The following THSD7B variants were observed in gnomAD, a reference collection of about 807,000 sequenced individuals.
The protein encoded by THSD7B is thrombospondin type 1 domain containing 7B.
In THSD7B, 138 loss-of-function variants were observed where a neutral mutation model predicts 213.6. That is an observed-to-expected ratio of 0.65 (90% CI 0.56 to 0.74). THSD7B has a LOEUF of 0.74. Ranked by LOEUF, THSD7B falls within the 30% of genes least tolerant of loss-of-function variation. The pLI is 0.00. For missense variants in THSD7B, 1,931 were observed against 1,991.5 expected (o/e 0.97, Z 0.58); for synonymous variants, 742 against 687.0 (o/e 1.08, Z -1.25).
chr2:137,258,390 C>T (rs1213068814), intron 10 of THSD7B, among the ~76,000 whole-genome samples: 2 of 151,922 alleles, frequency 1.3e-5, no homozygotes, highest in African/African-American at 2.4e-5. Flanking sequence ...GCTCTCATTC[C>T]CTCTCAATGA....
chr2:137,535,760 G>T (rs1680493472), intron 15 of THSD7B, among the ~76,000 whole-genome samples: 1 of 151,620 alleles, frequency 6.6e-6, no homozygotes, highest in Non-Finnish European at 1.5e-5. Context: ...GGTTATGATG[G>T]TTTGGAGGAC....
intron 14 of THSD7B, among the ~76,000 whole-genome samples, chr2:137,419,509 T>A (rs376142473): frequency 2.2e-4 from 34 of 151,522 alleles, no homozygotes; most frequent in African/African-American, 7.5e-4. Flanking sequence ...TGAAGTCAGG[T>A]CATCTCTCCC....
At chr2:137,077,925 C>G (rs2104900851) in intron 3 of THSD7B, among the ~76,000 whole-genome samples, 1 of 152,188 alleles carries the variant, frequency 6.6e-6, no homozygotes, top group South Asian at 2.1e-4. Context: ...AATGGTATTG[C>G]CTAGGTTTTC....
intron 10 of THSD7B, among the ~76,000 whole-genome samples, chr2:137,270,645 G>A (rs1682711114): frequency 6.6e-6 from 1 of 152,188 alleles, no homozygotes; most frequent in Admixed American, 6.5e-5. Flanking sequence ...AATGTAGCAG[G>A]AAGGTGGGTG....
rs967646653 is a variant in THSD7B at position 137,289,956 on chromosome 2, G to A, written c.2500+13930G>A. Among the ~76,000 whole-genome samples, 18 of 152,020 alleles carry A rather than the reference G, an allele frequency of 1.2e-4. 1 individual carries two copies. Among genetic ancestry groups the A allele is most frequent in the South Asian group, 4.2e-4 (2 of 4,732 alleles). On this transcript the variant is annotated intron_variant, in intron 12 of 27. Coordinates refer to ENST00000409968, the MANE Select transcript of THSD7B (RefSeq NM_001316349.2). The stretch of plus-strand genomic sequence containing the variant: ...TTTTTCTTTCTTCTAAACTCCAGGC[G>A]AAACTCAGAACCAAGGTATAAGGGC...
At chr2:137,483,160 C>G (rs2105108427) in intron 15 of THSD7B, among the ~76,000 whole-genome samples, 1 of 152,292 alleles carries the variant, frequency 6.6e-6, no homozygotes, top group African/African-American at 2.4e-5. Flanking sequence ...GGTGGCTCTC[C>G]CACTTGAGGG....
intron 1 of THSD7B, among the ~76,000 whole-genome samples, chr2:136,859,651 C>A (rs1007711155): frequency 1.3e-5 from 2 of 152,140 alleles, no homozygotes; most frequent in Non-Finnish European, 2.9e-5. Flanking sequence ...GCAAGGTATG[C>A]CCCTTCTCTG....
At chr2:137,062,877 G>T (rs1459802015) in intron 3 of THSD7B, among the ~76,000 whole-genome samples, 1 of 151,764 alleles carries the variant, frequency 6.6e-6, no homozygotes, top group Non-Finnish European at 1.5e-5. Context: ...TATTCCTGAT[G>T]GATCTGTCGA....
chr2:137,242,665 T>A, intron 10 of THSD7B, 93 bp downstream of exon 10: 1 of 730,462 alleles, frequency 1.4e-6, no homozygotes. Context: ...GTGAGCACCT[T>A]TTTTTTTTTT....
At chr2:137,439,272 G>T (rs1379998963) in intron 14 of THSD7B, among the ~76,000 whole-genome samples, 1 of 152,006 alleles carries the variant, frequency 6.6e-6, no homozygotes, top group Non-Finnish European at 1.5e-5. Flanking sequence ...TTTTCTTAGA[G>T]GAATATTTTG....
At chr2:137,021,480 C>T (rs1686444938) in intron 2 of THSD7B, among the ~76,000 whole-genome samples, 1 of 152,018 alleles carries the variant, frequency 6.6e-6, no homozygotes, top group Admixed American at 6.6e-5. Flanking sequence ...ATATTTGATT[C>T]AGTTACTGAA....
intron 15 of THSD7B, among the ~76,000 whole-genome samples, chr2:137,545,460 A>G (rs1024160453): frequency 6.6e-6 from 1 of 151,848 alleles, no homozygotes; most frequent in Non-Finnish European, 1.5e-5. Context: ...ATAAAGGATC[A>G]CTTCACCCAT....
At chr2:137,584,111 G>A (rs188910352) in intron 17 of THSD7B, among the ~76,000 whole-genome samples, 57 of 152,262 alleles carry the variant, frequency 3.7e-4, no homozygotes, top group African/African-American at 1.3e-3. Context: ...CTGGGAATGG[G>A]AATTCACTCA....
At chr2:136,996,417 T>C (rs1685891270) in intron 2 of THSD7B, among the ~76,000 whole-genome samples, 3 of 152,164 alleles carry the variant, frequency 2.0e-5, no homozygotes, top group South Asian at 2.1e-4. Flanking sequence ...TTACAGCTCA[T>C]TGCAGCCTGA....
At position 137,366,626 on chromosome 2, in the gene THSD7B, T is replaced by TAA. The variant is rs36050219; in HGVS notation, c.2501-38977_2501-38976dup. 8.8e-3 allele frequency among the ~76,000 whole-genome samples: 1,291 copies of TAA among 146,508 alleles called. 29 individuals are homozygous for TAA. The highest frequency in any genetic ancestry group is 0.031 in the African/African-American group (1,250 of 40,414). ...AAAAGATGCTATTGACATACAATCG[T>TAA]AAAAAAAAAAATAGAAGAAAAACTA... On this transcript the variant is annotated intron_variant, in intron 12 of 27. Transcript: ENST00000409968.
At chr2:137,334,334 C>T (rs1246698965) in intron 12 of THSD7B, among the ~76,000 whole-genome samples, 11 of 152,096 alleles carry the variant, frequency 7.2e-5, no homozygotes, top group African/African-American at 2.4e-4. Context: ...CAGCTCATCC[C>T]AGCTCAGCAT....
chr2:137,446,509 C>A (rs1241621018), intron 14 of THSD7B, among the ~76,000 whole-genome samples: 1 of 151,974 alleles, frequency 6.6e-6, no homozygotes, highest in Non-Finnish European at 1.5e-5. Flanking sequence ...CCTATTCAGT[C>A]CATCTTTATC....
chr2:137,248,362 C>A (rs1322808697), intron 10 of THSD7B, among the ~76,000 whole-genome samples: 4 of 152,104 alleles, frequency 2.6e-5, no homozygotes, highest in Non-Finnish European at 5.9e-5. Flanking sequence ...CATTAATGAA[C>A]TTCCAGTGCT....
At chr2:137,631,056 AC>A (rs1327189858) in intron 20 of THSD7B, among the ~76,000 whole-genome samples, 1 of 152,184 alleles carries the variant, frequency 6.6e-6, no homozygotes, top group Admixed American at 6.5e-5. Context: ...ATGAGCTCTT[AC>A]TTTATCTTCC....
Sources: allele counts gnomAD v4.1 joint callset (sites outside exome capture counted in the v4.1 genomes callset), GRCh38; gene constraint gnomAD v4.1.1; transcripts MANE v1.5; gene names NCBI Gene and HGNC (gene_info 2026-07-23, HGNC 2026-07-21).